Variants in ARMC1 observed in about 807,000 individuals in gnomAD.
ARMC1 encodes the protein armadillo repeat containing 1.
Under a neutral mutation model 31.4 loss-of-function variants are expected in ARMC1, and 16 were observed. The ratio of observed to expected loss-of-function variants is 0.51; its 90% confidence interval spans 0.34 to 0.77. ARMC1 has a LOEUF of 0.77. Ranked by LOEUF, ARMC1 falls within the 30% of genes least tolerant of loss-of-function variation. ARMC1 has a pLI of 0.01. For synonymous variants in ARMC1, 114 were observed against 118.9 expected, an observed-to-expected ratio of 0.96 and a Z score of 0.27; for missense variants, 259 against 347.5, an observed-to-expected ratio of 0.75 and a Z score of 2.02.
Position 65,604,500 on chromosome 8 carries a change from G to T in ARMC1, c.743C>A (p.Thr248Lys). The T allele has an allele frequency of 6.2e-7, 1 of 1,614,114 alleles. No individual in the cohort carries two copies. The highest frequency in any genetic ancestry group is 8.5e-7 in the Non-Finnish European group (1 of 1,180,024). ...PDYLPEDESP[T>K]KEQDKAVSRV... is the part of the protein sequence containing the mutation. ...GGACACCGCTTTGTCCTGTTCCTTTGTGGGACTCTCATCCTCAGGCAGGTA... is the reference window on the plus strand; with the variant it reads ...GGACACCGCTTTGTCCTGTTCCTTTTTGGGACTCTCATCCTCAGGCAGGTA... The change falls in exon 7 of 7, where the codon ACA becomes AAA. Residue 248 changes from threonine to lysine, a missense_variant. Physicochemically the swap from Thr to Lys is moderately conservative, Grantham distance 78. Coordinates refer to ENST00000276569, the MANE Select transcript of ARMC1 (RefSeq NM_018120.6).
intron 3 of ARMC1, among the ~76,000 whole-genome samples, chr8:65,620,799 T>TAAAAAAAAAAAAAAAAAAA (rs112946805): frequency 1.4e-5 from 2 of 139,174 alleles, no homozygotes; most frequent in Non-Finnish European, 3.1e-5. Context: ...TAGTTCCATT[T>TAAAAAAAAAAAAAAAAAAA]AAAAAAAAAC....
At chr8:65,609,937 G>C (rs973283573) in intron 4 of ARMC1, among the ~76,000 whole-genome samples, 2 of 151,356 alleles carry the variant, frequency 1.3e-5, no homozygotes, top group Non-Finnish European at 2.9e-5. Flanking sequence ...TTGCTAAAGA[G>C]GTAAGTGGTA....
At chr8:65,616,917 T>C (rs1808279119) in intron 3 of ARMC1, among the ~76,000 whole-genome samples, 1 of 148,646 alleles carries the variant, frequency 6.7e-6, no homozygotes, top group Admixed American at 6.7e-5. Flanking sequence ...GTCTGAGAAG[T>C]GAGGAGCCCC....
At chr8:65,615,181 T>A (rs975952256) in intron 3 of ARMC1, among the ~76,000 whole-genome samples, 2 of 152,192 alleles carry the variant, frequency 1.3e-5, no homozygotes, top group African/African-American at 2.4e-5. Context: ...TGAGCCACTG[T>A]TGACCACAGA....
chr8:65,606,981 G>A (rs1487081415), intron 4 of ARMC1, among the ~76,000 whole-genome samples: 2 of 152,198 alleles, frequency 1.3e-5, no homozygotes, highest in African/African-American at 2.4e-5. Context: ...TTTCTGTATT[G>A]AGACCAAGTT....
At chr8:65,615,875 A>G (rs1002361398) in intron 3 of ARMC1, among the ~76,000 whole-genome samples, 1 of 152,052 alleles carries the variant, frequency 6.6e-6, no homozygotes, top group African/African-American at 2.4e-5. Context: ...AGCGTGGGCA[A>G]CAAGAGCAAG....
intron 4 of ARMC1, among the ~76,000 whole-genome samples, chr8:65,610,618 C>A (rs1808116115): frequency 6.6e-6 from 1 of 151,784 alleles, no homozygotes; most frequent in African/African-American, 2.4e-5. Flanking sequence ...AGACTTGAAC[C>A]CAGGAGGTGG....
intron 4 of ARMC1, among the ~76,000 whole-genome samples, chr8:65,609,485 G>A (rs934720967): frequency 6.6e-6 from 1 of 152,168 alleles, no homozygotes; most frequent in Admixed American, 6.5e-5. Context: ...GCTGTGGACT[G>A]ATTTGGGTCT....
At chr8:65,604,732 A>G in intron 6 of ARMC1, 147 bp from the exon 7 acceptor site, 4 of 652,858 alleles carry the variant, frequency 6.1e-6, no homozygotes, top group Non-Finnish European at 1.0e-5. Context: ...GAGTAAGCAG[A>G]GTACAAATAA....
chr8:65,613,959 C>CAA (rs36010251), intron 3 of ARMC1, among the ~76,000 whole-genome samples: 287 of 139,720 alleles, frequency 2.1e-3, no homozygotes, highest in African/African-American at 4.1e-3. Context: ...GACTCCATCT[C>CAA]AAAAAAAAAA....
intron 2 of ARMC1, among the ~76,000 whole-genome samples, chr8:65,626,955 G>T (rs1273314652): frequency 2.0e-5 from 3 of 151,382 alleles, no homozygotes; most frequent in Admixed American, 6.6e-5. Flanking sequence ...GGTGGAGATT[G>T]CAGTGAACTA....
chr8:65,608,876 T>C (rs1808061218), intron 4 of ARMC1, among the ~76,000 whole-genome samples: 1 of 151,216 alleles, frequency 6.6e-6, no homozygotes, highest in Non-Finnish European at 1.5e-5. Context: ...GTCACACTGA[T>C]CTCCAGCCTG....
At chr8:65,623,829 G>A (rs1383564093) in intron 2 of ARMC1, among the ~76,000 whole-genome samples, 2 of 23,138 alleles carry the variant, frequency 8.6e-5, no homozygotes, top group African/African-American at 1.9e-4. Flanking sequence ...TGGAGTTTTT[G>A]TTCTTTCGCC....
At chr8:65,612,380 C>T (rs1468334621) in intron 4 of ARMC1, among the ~76,000 whole-genome samples, 1 of 151,508 alleles carries the variant, frequency 6.6e-6, no homozygotes, top group Non-Finnish European at 1.5e-5. Context: ...TACTTGAGCC[C>T]AGGAGTTCGA....
intron 1 of ARMC1, among the ~76,000 whole-genome samples, chr8:65,630,155 G>C (rs1385876118): frequency 7.2e-5 from 11 of 151,930 alleles, no homozygotes; most frequent in Admixed American, 6.6e-4. Context: ...AAGCAAAACA[G>C]AAAAAAATCG....
chr8:65,628,111 G>A (rs1808553203), intron 1 of ARMC1, among the ~76,000 whole-genome samples: 1 of 152,180 alleles, frequency 6.6e-6, no homozygotes, highest in Admixed American at 6.6e-5. Flanking sequence ...TTTGCCAGAT[G>A]AGGAGCTAGT....
intron 3 of ARMC1, among the ~76,000 whole-genome samples, chr8:65,622,021 T>A (rs1808404230): frequency 6.6e-6 from 1 of 152,046 alleles, no homozygotes; most frequent in African/African-American, 2.4e-5. Context: ...CACTGCAACC[T>A]CCACCTCCGG....
intron 4 of ARMC1, among the ~76,000 whole-genome samples, chr8:65,609,741 C>T (rs1281783449): frequency 6.6e-6 from 1 of 151,486 alleles, no homozygotes; most frequent in Non-Finnish European, 1.5e-5. Context: ...ACCTGTAGTC[C>T]CAGCTACAGG....
chr8:65,617,677 C>T lies in ARMC1; in HGVS notation c.276-4244G>A, dbSNP rs188167214. On this transcript the variant is annotated intron_variant, in intron 3 of 6. Transcript: ENST00000276569. Reference sequence around the variant, plus strand: ...CTTTAATTCATGGCAACAACACACACTGGGAACGACTAGACAGGGGCAAGG... The same window carrying T: ...CTTTAATTCATGGCAACAACACACATTGGGAACGACTAGACAGGGGCAAGG... 1.3e-3 allele frequency among the ~76,000 whole-genome samples: 195 copies of T among 152,070 alleles called. 2 individuals are homozygous for T. The highest frequency in any genetic ancestry group is 4.6e-3 in the African/African-American group (191 of 41,468).
Sources: gnomAD v4.1 joint callset for allele counts (sites outside exome capture counted in the v4.1 genomes callset) on GRCh38, gnomAD v4.1.1 for gene constraint, MANE v1.5 for transcripts, NCBI Gene and HGNC (gene_info 2026-07-23, HGNC 2026-07-21) for gene names.